Variants in TESMIN observed in about 807,000 individuals in gnomAD.
TESMIN encodes CXC domain containing 2.
In TESMIN, 34 loss-of-function variants were observed where a neutral mutation model predicts 47.4. That is an observed-to-expected ratio of 0.72 (90% CI 0.55 to 0.96). The LOEUF is 0.96. Among genes scored for constraint, TESMIN ranks in the 40% least tolerant of loss-of-function variants. The pLI is 0.00. For missense variants in TESMIN, 610 were observed against 637.2 expected (o/e 0.96, Z 0.46); for synonymous variants, 278 against 258.9 (o/e 1.07, Z -0.71).
intron 6 of TESMIN, among the ~76,000 whole-genome samples, chr11:68,728,706 T>C (rs928908411): frequency 1.3e-5 from 2 of 152,246 alleles, no homozygotes; most frequent in South Asian, 4.1e-4. Flanking sequence ...ATGGTGCAGT[T>C]GGTGACCTTA....
In TESMIN at chr11:68,708,144, G is replaced by A. The variant is rs1015967939; in HGVS notation, c.*164C>T. 3 of 645,926 alleles carry A rather than the reference G, an allele frequency of 4.6e-6. No individual in the cohort carries two copies. Among genetic ancestry groups the A allele is most frequent in the Non-Finnish European group, 7.9e-6 (3 of 377,560 alleles). 40.0% of individuals were successfully genotyped at this position (645,926 alleles called of 1,614,324 possible). On this transcript the variant is annotated 3_prime_UTR_variant, in exon 10 of 10. Coordinates refer to ENST00000255087, the MANE Select transcript of TESMIN (RefSeq NM_004923.3). ...TGCACCTCCTCAGAAAAGGGGGCAT[G>A]GGTTGCCACATCTTCAGAGAGCTCT...
Position 68,707,605 on chromosome 11 carries a change from A to G in TESMIN, c.*703T>C. ...TAATTATGGAGAAGTTAATTGGATA[A>G]TAGAGCTTTTCCACAATTCAAGTAG... On this transcript the variant is annotated 3_prime_UTR_variant, in exon 10 of 10. Coordinates refer to ENST00000255087, the MANE Select transcript of TESMIN (RefSeq NM_004923.3). 4.1e-6 allele frequency: 1 copy of G among 242,500 alleles called. No homozygotes were observed. Among genetic ancestry groups the G allele is most frequent in the Admixed American group, 4.2e-5 (1 of 23,698 alleles). The allele number at this position is 242,500 out of a possible 1,614,324, so 15.0% of individuals were successfully genotyped here. A position where few individuals can be genotyped will look rare whatever the true frequency, so the allele number is the denominator to read the frequency against.
chr11:68,731,993 C>G (rs1317637283), intron 6 of TESMIN, among the ~76,000 whole-genome samples: 6 of 152,192 alleles, frequency 3.9e-5, no homozygotes, highest in Non-Finnish European at 7.3e-5. Flanking sequence ...CTCTCCAAGG[C>G]CTCTCATTTC....
At chr11:68,726,091 G>A (rs994177060) in intron 6 of TESMIN, among the ~76,000 whole-genome samples, 1 of 152,144 alleles carries the variant, frequency 6.6e-6, no homozygotes, top group East Asian at 1.9e-4. Context: ...GATCTGCTGG[G>A]CTGTGCTCTA....
intron 6 of TESMIN, among the ~76,000 whole-genome samples, chr11:68,722,779 G>A (rs953760526): frequency 3.3e-5 from 5 of 152,042 alleles, no homozygotes; most frequent in East Asian, 3.9e-4. Flanking sequence ...CATTACCGTC[G>A]GACAGAAAAA....
chr11:68,738,982 A>AG (rs34946510), intron 5 of TESMIN, among the ~76,000 whole-genome samples, 194 bp from the exon 6 acceptor site: 152,278 of 152,302 alleles, frequency 1, 76,128 homozygotes, highest in Middle Eastern at 1. Context: ...GGTGTGTCAC[A>AG]GCCTGTCTGG....
intron 9 of TESMIN, among the ~76,000 whole-genome samples, chr11:68,709,363 C>CT (rs1594282474): frequency 6.6e-6 from 1 of 152,198 alleles, no homozygotes; most frequent in East Asian, 1.9e-4. Flanking sequence ...TCCCCGCAGG[C>CT]CCACGTGCAG....
chr11:68,710,919 A>C lies in TESMIN; in HGVS notation c.1289T>G (p.Leu430Arg), dbSNP rs750482167. 6.2e-7 allele frequency: 1 copy of C among 1,613,962 alleles called. No homozygotes were observed. The highest frequency in any genetic ancestry group is 8.5e-7 in the Non-Finnish European group (1 of 1,179,970). ...QTGGLEGSHY[L>R]PPTKFSGLPR... Reference sequence around the variant, plus strand: ...AAGTCCTGAAAATTTCGTTGGTGGCAGGTAATGGCTGCCTTCCAAACCTCC... The same window carrying C: ...AAGTCCTGAAAATTTCGTTGGTGGCCGGTAATGGCTGCCTTCCAAACCTCC... The change falls in exon 9 of 10, where the codon CTG (leucine) becomes CGG (arginine). Residue 430 changes from leucine (L) to arginine (R), a missense_variant. By Grantham distance (102) the Leu-to-Arg change is moderately radical. Transcript: ENST00000255087.
downstream of TESMIN, among the ~76,000 whole-genome samples, chr11:68,707,018 C>T (rs116049233): frequency 2.3e-3 from 357 of 152,362 alleles, no homozygotes; most frequent in African/African-American, 8.1e-3. Context: ...TGAAAGCACA[C>T]ACAGCAAGTG....
chr11:68,729,114 G>A (rs1946298290), intron 6 of TESMIN, among the ~76,000 whole-genome samples: 1 of 152,186 alleles, frequency 6.6e-6, no homozygotes, highest in Non-Finnish European at 1.5e-5. Context: ...TTCTTCTGAT[G>A]GATCTGGGCA....
At chr11:68,714,988 T>C (rs1403456757) in intron 7 of TESMIN, among the ~76,000 whole-genome samples, 1 of 152,264 alleles carries the variant, frequency 6.6e-6, no homozygotes, top group East Asian at 1.9e-4. Context: ...AATTTTCTTC[T>C]GTCCTATGGC....
In TESMIN at chr11:68,716,068, G is replaced by A. The variant is rs1036305359; in HGVS notation, c.918-129C>T. ...CAGAACACTGAACACTTTCATAGAC[G>A]GCTCAGACTCCTTTTATATGAGAAC... is the stretch of plus-strand genomic sequence containing the variant. On this transcript the variant is annotated intron_variant, in intron 6 of 9. Coordinates refer to ENST00000255087, the MANE Select transcript of TESMIN (RefSeq NM_004923.3). 1.8e-5 allele frequency: 11 copies of A among 622,084 alleles called. No homozygotes were observed. In the Admixed American group the frequency reaches 2.2e-4, roughly 12 times the overall value. The allele number at this position is 622,084 out of a possible 1,614,324, so 38.5% of individuals were successfully genotyped here. A position where few individuals can be genotyped will look rare whatever the true frequency, so the allele number is the denominator to read the frequency against.
chr11:68,709,279 G>A (rs915420011), intron 9 of TESMIN, among the ~76,000 whole-genome samples: 1 of 152,180 alleles, frequency 6.6e-6, no homozygotes, highest in Non-Finnish European at 1.5e-5. Context: ...CAGGACTCTT[G>A]GCTGAGGCAG....
chr11:68,747,036 G>A, intron 3 of TESMIN, 172 bp downstream of exon 3: 2 of 641,826 alleles, frequency 3.1e-6, no homozygotes, highest in African/African-American at 3.6e-5. Context: ...GAGAATCTTA[G>A]AGGTGAGATG....
At chr11:68,737,475 A>G in intron 6 of TESMIN, 1 of 985,614 alleles carries the variant, frequency 1.0e-6, no homozygotes, top group Non-Finnish European at 1.2e-6. Context: ...CTCTCCTCAC[A>G]CTTACCAAGG....
At chr11:68,722,295 G>A (rs1946212132) in intron 6 of TESMIN, among the ~76,000 whole-genome samples, 1 of 152,190 alleles carries the variant, frequency 6.6e-6, no homozygotes, top group African/African-American at 2.4e-5. Flanking sequence ...GATGGGTATA[G>A]AATTTCTGTT....
At chr11:68,729,098 T>C (rs908226598) in intron 6 of TESMIN, among the ~76,000 whole-genome samples, 2 of 152,376 alleles carry the variant, frequency 1.3e-5, no homozygotes, top group Admixed American at 6.5e-5. Flanking sequence ...CTGCTATTGA[T>C]AGTGATTCTT....
At position 68,738,733 on chromosome 11, in the gene TESMIN, G is replaced by A. The variant is rs776186133; in HGVS notation, c.884C>T (p.Thr295Ile). The change falls in exon 6 of 10, where the codon ACT becomes ATT. Residue 295 changes from threonine to isoleucine, a missense_variant. Transcript: ENST00000255087. ...VNGSAFPSGS[T>I]LPGPPKITLA... ...AGTTATTTTTGGTGGTCCTGGAAGA[G>A]TTGATCCCGAGGGGAAAGCAGACCC... 5.0e-6 allele frequency: 8 copies of A among 1,613,984 alleles called. No homozygotes were observed. The highest frequency in any genetic ancestry group is 3.3e-5 in the Admixed American group (2 of 59,990).
chr11:68,749,618 C>T (rs1275370045), intron 2 of TESMIN, among the ~76,000 whole-genome samples: 3 of 152,188 alleles, frequency 2.0e-5, no homozygotes, highest in Admixed American at 2.0e-4. Flanking sequence ...TTTCTTTAGG[C>T]TCTGATTTAC....
Sources: gnomAD v4.1 joint callset for allele counts (sites outside exome capture counted in the v4.1 genomes callset) on GRCh38, gnomAD v4.1.1 for gene constraint, MANE v1.5 for transcripts, NCBI Gene and HGNC (gene_info 2026-07-23, HGNC 2026-07-21) for gene names.